Variants in DSCAM observed in about 807,000 individuals in gnomAD.
DSCAM encodes cell adhesion molecule DSCAM.
In DSCAM, 47 loss-of-function variants were observed where a neutral mutation model predicts 217.7. That is an observed-to-expected ratio of 0.22 (90% CI 0.17 to 0.28). The LOEUF is 0.28. DSCAM is among the 10% of genes least tolerant of loss of function. The pLI is 1.00. For missense variants in DSCAM, 2,080 were observed against 2,618.3 expected (o/e 0.79, Z 4.49); for synonymous variants, 1,056 against 1,015.3 (o/e 1.04, Z -0.76).
chr21:40,207,784 A>C (rs571120789), intron 11 of DSCAM, among the ~76,000 whole-genome samples: 2 of 152,180 alleles, frequency 1.3e-5, no homozygotes, highest in Non-Finnish European at 2.9e-5. Flanking sequence ...CTCGAGGTCC[A>C]AGACCAAGTT....
chr21:40,634,393 C>T (rs2089728682), intron 3 of DSCAM, among the ~76,000 whole-genome samples: 1 of 152,210 alleles, frequency 6.6e-6, no homozygotes, highest in African/African-American at 2.4e-5. Context: ...CTCAGCTCTT[C>T]ACTACCAAGG....
chr21:40,107,868 G>C (rs1310927495), intron 20 of DSCAM, among the ~76,000 whole-genome samples: 1 of 151,906 alleles, frequency 6.6e-6, no homozygotes, highest in African/African-American at 2.4e-5. Flanking sequence ...TTCTGTTTTT[G>C]ATTTGCTTAC....
intron 1 of DSCAM, among the ~76,000 whole-genome samples, chr21:40,763,626 T>A (rs2091358545): frequency 6.6e-6 from 1 of 152,168 alleles, no homozygotes; most frequent in Non-Finnish European, 1.5e-5. Context: ...AAAAAGAGCC[T>A]GTGTAGCCAA....
Position 40,613,467 on chromosome 21 carries a change from T to A in DSCAM, c.508+79343A>T, listed in dbSNP as rs570217186. Among the ~76,000 whole-genome samples the A allele has an allele frequency of 1.8e-4, 28 of 152,324 alleles. No individual in the cohort carries two copies. In the South Asian group the frequency reaches 4.8e-3, roughly 26 times the overall value. On this transcript the variant is annotated intron_variant, in intron 3 of 32. Transcript: ENST00000400454. ...CCTAATTCTTAAAAAAAAGATTTTT[T>A]AAAAATTGTAACATCTAAGGCAAAA...
chr21:40,831,844 T>C, intron 1 of DSCAM, among the ~76,000 whole-genome samples: 1 of 152,194 alleles, frequency 6.6e-6, no homozygotes, highest in East Asian at 1.9e-4. Context: ...GAAAAGTAAA[T>C]GAATTTTCCA....
chr21:40,106,525 G>T (rs943421160), intron 20 of DSCAM, among the ~76,000 whole-genome samples: 1 of 152,022 alleles, frequency 6.6e-6, no homozygotes, highest in East Asian at 1.9e-4. Context: ...AGATTTTTTG[G>T]AATAGTTTCA....
chr21:40,240,456 C>T (rs933516736), intron 11 of DSCAM, among the ~76,000 whole-genome samples: 1 of 141,052 alleles, frequency 7.1e-6, no homozygotes, highest in African/African-American at 2.6e-5. Flanking sequence ...TCTGCAAATA[C>T]ATCTTGGATT....
chr21:40,553,896 G>A (rs868603063), intron 3 of DSCAM, among the ~76,000 whole-genome samples: 2 of 152,082 alleles, frequency 1.3e-5, no homozygotes, highest in African/African-American at 4.8e-5. Context: ...ACAAAACTGA[G>A]GCCCAACAGG....
At chr21:40,544,975 T>C (rs773227443) in intron 3 of DSCAM, among the ~76,000 whole-genome samples, 15 of 151,860 alleles carry the variant, frequency 9.9e-5, no homozygotes, top group Non-Finnish European at 1.9e-4. Context: ...CTATTGTTTA[T>C]GTTTCTCCAA....
chr21:40,451,836 A>G (rs2075722236), intron 3 of DSCAM, among the ~76,000 whole-genome samples: 1 of 152,136 alleles, frequency 6.6e-6, no homozygotes, highest in South Asian at 2.1e-4. Flanking sequence ...TTTATATCCT[A>G]CTGCTCAAGG....
intron 1 of DSCAM, among the ~76,000 whole-genome samples, chr21:40,837,299 G>A (rs1179873078): frequency 3.3e-5 from 5 of 152,158 alleles, no homozygotes; most frequent in Non-Finnish European, 7.4e-5. Context: ...GGGCGGTAGA[G>A]GTATGGGGGA....
Position 40,637,607 on chromosome 21 carries a change from A to ATATATATC in DSCAM, c.508+55202_508+55203insGATATATA. The stretch of plus-strand genomic sequence containing the variant: ...TATACATATATAAATATATATATAA[A>ATATATATC]TATATATAAATATATACATATATAA... On this transcript the variant is annotated intron_variant, in intron 3 of 32. Transcript: ENST00000400454. Among the ~76,000 whole-genome samples the ATATATATC allele has an allele frequency of 2.6e-4, 9 of 35,114 alleles. 1 individual carries two copies. The highest frequency in any genetic ancestry group is 8.5e-5 in the African/African-American group (1 of 11,816). The allele number at this position is 35,114 out of a possible 152,430, so 23.0% of individuals were successfully genotyped here.
intron 3 of DSCAM, among the ~76,000 whole-genome samples, chr21:40,396,985 CCTAA>C (rs1395585280): frequency 6.6e-6 from 1 of 152,102 alleles, no homozygotes; most frequent in Non-Finnish European, 1.5e-5. Flanking sequence ...ATCATGATTG[CCTAA>C]CTGACCACCT....
intron 3 of DSCAM, among the ~76,000 whole-genome samples, chr21:40,680,954 C>T (rs7277806): frequency 0.42 from 63,206 of 152,036 alleles, 13,969 homozygotes; most frequent in East Asian, 0.58. Context: ...GAGCCTTGGA[C>T]AGTCAATACA....
intron 3 of DSCAM, among the ~76,000 whole-genome samples, chr21:40,492,155 T>C (rs2076081148): frequency 2.0e-5 from 3 of 152,202 alleles, no homozygotes; most frequent in Non-Finnish European, 4.4e-5. Context: ...AAAATCCTAT[T>C]CTAGTGCTTC....
chr21:40,780,447 A>ATATATATCTC (rs1308722522), intron 1 of DSCAM, among the ~76,000 whole-genome samples: 3 of 141,560 alleles, frequency 2.1e-5, no homozygotes, highest in Admixed American at 7.8e-5. Flanking sequence ...ATATATATAT[A>ATATATATCTC]TCTCCTGTTA....
intron 16 of DSCAM, among the ~76,000 whole-genome samples, chr21:40,154,117 T>C (rs2090451696): frequency 6.6e-6 from 1 of 152,092 alleles, no homozygotes; most frequent in East Asian, 1.9e-4. Context: ...CGAGGAGACC[T>C]CTTACATTAT....
intron 3 of DSCAM, among the ~76,000 whole-genome samples, chr21:40,481,905 G>A (rs1240846650): frequency 1.3e-5 from 2 of 152,208 alleles, no homozygotes; most frequent in Non-Finnish European, 2.9e-5. Flanking sequence ...ATGAAAGGCA[G>A]AGCTAGACCC....
intron 3 of DSCAM, among the ~76,000 whole-genome samples, chr21:40,668,153 GA>G (rs2090225795): frequency 1.3e-5 from 2 of 152,286 alleles, no homozygotes; most frequent in Admixed American, 6.5e-5. Flanking sequence ...TACAGTGTCT[GA>G]AAATGACTCG....
Sources: gnomAD v4.1 joint callset for allele counts (sites outside exome capture counted in the v4.1 genomes callset) on GRCh38, gnomAD v4.1.1 for gene constraint, MANE v1.5 for transcripts, NCBI Gene and HGNC (gene_info 2026-07-23, HGNC 2026-07-21) for gene names.